Variants in USP42 observed in about 807,000 individuals in gnomAD.
USP42 encodes ubiquitin carboxyl-terminal hydrolase 42.
Under a neutral mutation model 113.0 loss-of-function variants are expected in USP42, and 23 were observed. The observed-to-expected ratio is 0.20, with a 90% confidence interval of 0.15 to 0.29. The LOEUF is 0.29. USP42 is among the 10% of genes least tolerant of loss of function. USP42 has a pLI of 1.00. For synonymous variants in USP42, 933 were observed against 699.0 expected, an observed-to-expected ratio of 1.33 and a Z score of -5.28; for missense variants, 2,174 against 1,779.8, an observed-to-expected ratio of 1.22 and a Z score of -3.99.
chr7:6,115,632 A>T, intron 3 of USP42, 109 bp downstream of exon 3: 1 of 1,351,740 alleles, frequency 7.4e-7, no homozygotes, highest in South Asian at 1.3e-5. Context: ...GATTACTAAG[A>T]AGTTGGTTTA....
At chr7:6,094,875 C>A in the USP42 span, among the ~76,000 whole-genome samples, 1 of 150,266 alleles carries the variant, frequency 6.7e-6, no homozygotes, top group African/African-American at 2.5e-5. Context: ...GCAACCTCCG[C>A]CTCCCAGGTT....
Position 6,149,953 on chromosome 7 carries a change from A to G in USP42, c.1757A>G (p.Glu586Gly). The G allele has an allele frequency of 6.2e-7, 1 of 1,614,008 alleles. No individual in the cohort carries two copies. Among genetic ancestry groups the G allele is most frequent in the Non-Finnish European group, 8.5e-7 (1 of 1,179,896 alleles). ...GTAACAAAACCGATCCCCCGCAGTG[A>G]ATCCTGCTCCCAGCCCGTGATGAAT... ...SKVTKPIPRS[E>G]SCSQPVMNGK... The change falls in exon 13 of 18, where the codon GAA becomes GGA. Residue 586 changes from glutamate to glycine, a missense_variant. By Grantham distance (98) the Glu-to-Gly change is moderately conservative. Coordinates refer to ENST00000306177, the MANE Select transcript of USP42 (RefSeq NM_032172.3).
chr7:6,106,039 A>T (rs980760322), intron 1 of USP42, among the ~76,000 whole-genome samples: 2 of 152,238 alleles, frequency 1.3e-5, no homozygotes, highest in African/African-American at 4.8e-5. Flanking sequence ...GAAGAGTTGT[A>T]CATTTTAAAC....
upstream of USP42, among the ~76,000 whole-genome samples, chr7:6,103,587 G>C (rs941219723): frequency 1.3e-5 from 2 of 150,224 alleles, no homozygotes; most frequent in African/African-American, 5.0e-5. Flanking sequence ...GTGGCGCACC[G>C]GTGGGGTCAG....
chr7:6,102,273 C>T (rs528897524), upstream of USP42, among the ~76,000 whole-genome samples: 1 of 149,764 alleles, frequency 6.7e-6, no homozygotes, highest in East Asian at 2.0e-4. Context: ...ATCACCACAG[C>T]CAACTGATTT....
At chr7:6,103,751 A>AC (rs1562791478), upstream of USP42, among the ~76,000 whole-genome samples, 2 of 149,570 alleles carry the variant, frequency 1.3e-5, no homozygotes, top group Non-Finnish European at 1.5e-5. Context: ...AAAAAAAAAA[A>AC]AAAACAAAAC....
chr7:6,112,940 G>A (rs1779681221), intron 2 of USP42, among the ~76,000 whole-genome samples: 1 of 124,836 alleles, frequency 8.0e-6, no homozygotes, highest in African/African-American at 3.2e-5. Flanking sequence ...GTCTCGCTCT[G>A]TCGCCCATTC....
upstream of USP42, among the ~76,000 whole-genome samples, chr7:6,100,360 G>A (rs146396477): frequency 6.4e-3 from 954 of 149,706 alleles, 70 homozygotes; most frequent in African/African-American, 0.023. Context: ...ACGGAGTTTC[G>A]CTCTTGTTGC....
the USP42 span, among the ~76,000 whole-genome samples, chr7:6,094,808 CTT>C: frequency 8.6e-5 from 12 of 139,772 alleles, no homozygotes; most frequent in Non-Finnish European, 9.3e-5. Context: ...TTCCACTTGG[CTT>C]TTTTTTTTTT....
At chr7:6,108,088 G>A (rs777413676) in intron 1 of USP42, among the ~76,000 whole-genome samples, 43 of 152,152 alleles carry the variant, frequency 2.8e-4, no homozygotes, top group Non-Finnish European at 4.4e-4. Context: ...GGAGGCTGAG[G>A]CAAGAGAATC....
intron 12 of USP42, among the ~76,000 whole-genome samples, chr7:6,148,643 C>T (rs1781856494): frequency 2.0e-5 from 3 of 152,208 alleles, no homozygotes; most frequent in Non-Finnish European, 4.4e-5. Flanking sequence ...CAGTAGTGAG[C>T]TAGTGTCACA....
intron 15 of USP42, among the ~76,000 whole-genome samples, chr7:6,155,446 T>G (rs1347177324): frequency 6.6e-6 from 1 of 152,236 alleles, no homozygotes; most frequent in Non-Finnish European, 1.5e-5. Context: ...TTTTTCAAAA[T>G]GATAGTGCCA....
At position 6,145,571 on chromosome 7, in the gene USP42, G is replaced by A. The variant is rs767842260; in HGVS notation, c.1046G>A (p.Gly349Glu). ...CGGCCATATATGTCTCAACCCAACG[G>A]AGAGCCAATTGTCTACGTCTTGTAT... ...DIRPYMSQPNGEPIVYVLYAV... is the reference protein window; with the variant it reads ...DIRPYMSQPNEEPIVYVLYAV... The change falls in exon 10 of 18, where the codon GGA becomes GAA. Residue 349 changes from glycine to glutamate, a missense_variant. Gly to Glu is a moderately conservative substitution (Grantham distance 98). Coordinates refer to ENST00000306177, the MANE Select transcript of USP42 (RefSeq NM_032172.3). 1.9e-6 allele frequency: 3 copies of A among 1,613,934 alleles called. No homozygotes were observed. Among genetic ancestry groups the A allele is most frequent in the Non-Finnish European group, 1.7e-6 (2 of 1,179,872 alleles).
chr7:6,144,296 A>G, intron 9 of USP42, 100 bp downstream of exon 9: 2 of 765,546 alleles, frequency 2.6e-6, no homozygotes, highest in African/African-American at 3.7e-5. Flanking sequence ...TCTCATGACA[A>G]AATTGCTAAC....
rs1159985077 is a variant in USP42 at position 6,157,576 on chromosome 7, T to C, written c.3943+521T>C. 6.6e-6 allele frequency among the ~76,000 whole-genome samples: 1 copy of C among 152,138 alleles called. No homozygotes were observed. The highest frequency in any genetic ancestry group is 1.9e-4 in the East Asian group (1 of 5,198). On this transcript the variant is annotated intron_variant, in intron 16 of 17. Transcript: ENST00000306177. The surrounding 1 kb of genome is among the most constrained non-coding windows in gnomAD (Gnocchi z 4.1). ...CCACGCCCGGCTAAATTTTGTGTTTTTAGTAGAGACGGTGTTTCACCGTGT... is the reference window on the plus strand; with the variant it reads ...CCACGCCCGGCTAAATTTTGTGTTTCTAGTAGAGACGGTGTTTCACCGTGT...
chr7:6,113,853 C>G (rs1028034362), intron 2 of USP42, among the ~76,000 whole-genome samples: 13 of 151,824 alleles, frequency 8.6e-5, no homozygotes, highest in Non-Finnish European at 1.8e-4. Flanking sequence ...GATCTCCTGA[C>G]CTTGTGATCC....
chr7:6,157,811 G>A lies in USP42; in HGVS notation c.3943+756G>A, dbSNP rs902408488. Among the ~76,000 whole-genome samples the A allele has an allele frequency of 3.9e-5, 6 of 152,172 alleles. No homozygotes were observed. Among genetic ancestry groups the A allele is most frequent in the Admixed American group, 1.3e-4 (2 of 15,274 alleles). Reference sequence around the variant, plus strand: ...TGCAGAGGCCTCCATGTGGCAGAGCGCTGGCTGCCCCTGCCAGGTGTCCTG... The same window carrying A: ...TGCAGAGGCCTCCATGTGGCAGAGCACTGGCTGCCCCTGCCAGGTGTCCTG... On this transcript the variant is annotated intron_variant, in intron 16 of 17. Transcript: ENST00000306177. This position sits in a 1 kb window ranked among gnomAD's most constrained non-coding sequence, Gnocchi z 4.1.
Position 6,135,651 on chromosome 7 carries a change from CAAAAAAAAAA to C in USP42, c.443-173_443-164del, listed in dbSNP as rs1173165919. On this transcript the variant is annotated intron_variant, in intron 3 of 17. Transcript: ENST00000306177. ...TGGGTGACAGAGTGAGACTCCATCT[CAAAAAAAAAA>C]AAAAAAAAAAAAAAAAGAACAAAAA... Among the ~76,000 whole-genome samples, 119 of 16,160 alleles carry C rather than the reference CAAAAAAAAAA, an allele frequency of 7.4e-3. 1 individual carries two copies. The East Asian group carries it at 0.11, about 15-fold the overall frequency. 10.6% of individuals were successfully genotyped at this position (16,160 alleles called of 152,430 possible). A position where few individuals can be genotyped will look rare whatever the true frequency, so the allele number is the denominator to read the frequency against.
At chr7:6,113,526 T>C (rs1430700127) in intron 2 of USP42, among the ~76,000 whole-genome samples, 1 of 152,228 alleles carries the variant, frequency 6.6e-6, no homozygotes, top group Non-Finnish European at 1.5e-5. Context: ...CACCAAGCTG[T>C]AGCCTGCCTA....
Sources: allele counts gnomAD v4.1 joint callset (sites outside exome capture counted in the v4.1 genomes callset), GRCh38; gene constraint gnomAD v4.1.1; non-coding constraint Gnocchi (gnomAD v3.1); transcripts MANE v1.5; gene names NCBI Gene and HGNC (gene_info 2026-07-23, HGNC 2026-07-21).